Variants in CADPS observed in about 807,000 individuals in gnomAD.
The protein encoded by CADPS is calcium dependent secretion activator.
CADPS carries 57 observed loss-of-function variants against 167.3 expected under a neutral mutation model. The observed-to-expected ratio is 0.34, with a 90% CI of 0.28 to 0.42. CADPS has a LOEUF of 0.42. Among genes scored for constraint, CADPS ranks in the 20% least tolerant of loss-of-function variants. CADPS has a pLI of 1.00. For synonymous variants in CADPS, 676 were observed against 635.3 expected (o/e 1.06, Z -0.96); for missense variants, 1,414 against 1,738.1 (o/e 0.81, Z 3.32).
At chr3:62,687,412 A>G (rs956428968) in intron 3 of CADPS, among the ~76,000 whole-genome samples, 6 of 152,104 alleles carry the variant, frequency 3.9e-5, no homozygotes, top group African/African-American at 1.2e-4. Context: ...AATAATTTCT[A>G]TCAACAGCCA....
chr3:62,654,793 G>C (rs528283546), intron 4 of CADPS, among the ~76,000 whole-genome samples: 1 of 152,254 alleles, frequency 6.6e-6, no homozygotes, highest in African/African-American at 2.4e-5. Context: ...GGTAAGTGGG[G>C]AATTTCTGAT....
chr3:62,820,929 T>C (rs893302040), intron 1 of CADPS, among the ~76,000 whole-genome samples: 2 of 151,930 alleles, frequency 1.3e-5, no homozygotes, highest in Admixed American at 6.6e-5. Context: ...GCCTCCTGAG[T>C]AGCTGGGACT....
intron 3 of CADPS, among the ~76,000 whole-genome samples, chr3:62,691,574 G>C (rs1186187114): frequency 6.6e-6 from 1 of 152,028 alleles, no homozygotes; most frequent in Non-Finnish European, 1.5e-5. Flanking sequence ...AGTTAAAATA[G>C]TGAATAAAGA....
At chr3:62,864,272 T>A (rs999583628) in intron 1 of CADPS, among the ~76,000 whole-genome samples, 1 of 152,210 alleles carries the variant, frequency 6.6e-6, no homozygotes, top group Non-Finnish European at 1.5e-5. Flanking sequence ...AAGAGGCCTA[T>A]GCTGGAGACA....
At position 62,874,636 on chromosome 3, in the gene CADPS, G is replaced by T. The variant is rs763206239; in HGVS notation, c.394C>A (p.Pro132Thr). 6.4e-7 allele frequency: 1 copy of T among 1,560,544 alleles called. No homozygotes were observed. The highest frequency in any genetic ancestry group is 1.2e-5 in the South Asian group (1 of 84,676). The change falls in exon 1 of 30, where the codon CCC becomes ACC. Residue 132 changes from proline (P) to threonine (T), a missense_variant. By Grantham distance (38) the Pro-to-Thr change is conservative (BLOSUM62 -1). Around this residue, in one of 6 missense-constraint regions of CADPS, gnomAD observed 522 missense variants for 559.5 expected, o/e 0.93. Transcript: ENST00000383710. This position sits in a 1 kb window ranked among gnomAD's most constrained non-coding sequence, Gnocchi z 7.1. ...YVFVMRCIAY[P>T]FNAKQPTDMA... is the part of the protein sequence containing the mutation. The stretch of plus-strand genomic sequence containing the variant: ...TCGGTGGGCTGCTTGGCATTAAAGG[G>T]GTAGGCGATGCAGCGCATCACGAAC...
chr3:62,841,542 C>G lies in CADPS; in HGVS notation c.441+33047G>C, dbSNP rs1196906723. ...ACCAGTCTAGGCAACATGGCAAAAC[C>G]TTGTCTCTACAAAAAAATACAAAAA... is the stretch of plus-strand genomic sequence containing the variant. On this transcript the variant is annotated intron_variant, in intron 1 of 29. Coordinates refer to ENST00000383710, the MANE Select transcript of CADPS (RefSeq NM_003716.4). Among the ~76,000 whole-genome samples the G allele has an allele frequency of 3.3e-5, 5 of 152,096 alleles. No individual in the cohort carries two copies. In the East Asian group the frequency reaches 7.7e-4, roughly 23 times the overall value.
chr3:62,850,791 C>G (rs1329938467), intron 1 of CADPS, among the ~76,000 whole-genome samples: 1 of 150,702 alleles, frequency 6.6e-6, no homozygotes, highest in Admixed American at 6.6e-5. Context: ...CTATTAGGTC[C>G]TCTTGGTGCA....
intron 1 of CADPS, among the ~76,000 whole-genome samples, chr3:62,845,070 GACACAGGATGCTATC>G (rs2077194159): frequency 6.6e-6 from 1 of 152,140 alleles, no homozygotes; most frequent in Non-Finnish European, 1.5e-5. Flanking sequence ...AGCTCCACTG[GACACAGGATGCTATC>G]ACTGTGGGTA....
intron 2 of CADPS, among the ~76,000 whole-genome samples, chr3:62,757,792 G>A (rs2152449974): frequency 6.6e-6 from 1 of 152,284 alleles, no homozygotes; most frequent in Non-Finnish European, 1.5e-5. Context: ...CACATGGCTG[G>A]GGAGGCCTCA....
chr3:62,578,261 A>G lies in CADPS; in HGVS notation c.1577+6924T>C, dbSNP rs532603913. Among the ~76,000 whole-genome samples, 377 of 151,588 alleles carry G rather than the reference A, an allele frequency of 2.5e-3. 2 individuals carry two copies. The highest frequency in any genetic ancestry group is 8.2e-3 in the African/African-American group (339 of 41,334). On this transcript the variant is annotated intron_variant, in intron 8 of 29. Coordinates refer to ENST00000383710, the MANE Select transcript of CADPS (RefSeq NM_003716.4). ...CACACAAAGTAAATTGCAGGTGAAG[A>G]ATACTGCTGGGGATCAAGAAGATTA...
intron 28 of CADPS, among the ~76,000 whole-genome samples, chr3:62,428,648 A>G (rs2053275855): frequency 6.6e-6 from 1 of 152,150 alleles, no homozygotes; most frequent in African/African-American, 2.4e-5. Context: ...TTGTTGCTAC[A>G]TCATACTCAT....
rs1441362236 is a variant in CADPS at position 62,874,751 on chromosome 3, G to A, written c.279C>T (p.Ser93=). Residue 93 remains serine, a synonymous_variant, in exon 1 of 30, where the codon AGC becomes AGT. Coordinates refer to ENST00000383710, the MANE Select transcript of CADPS (RefSeq NM_003716.4). The surrounding 1 kb of genome is among the most constrained non-coding windows in gnomAD (Gnocchi z 7.1). ...RAGGGRPSSP[S]PSVVSEKEKE... ...TCTCCTTCTCGCTCACCACCGACGGGCTGGGGCTGGAGGGCCGGCCGCCGC... is the reference window on the plus strand; with the variant it reads ...TCTCCTTCTCGCTCACCACCGACGGACTGGGGCTGGAGGGCCGGCCGCCGC... 12 of 1,499,924 alleles carry A rather than the reference G, an allele frequency of 8.0e-6. No individual in the cohort carries two copies. Among genetic ancestry groups the A allele is most frequent in the Non-Finnish European group, 7.2e-6 (8 of 1,104,350 alleles). The allele number at this position is 1,499,924 out of a possible 1,614,324, so 92.9% of individuals were successfully genotyped here.
chr3:62,442,991 T>C (rs991904171), intron 27 of CADPS, among the ~76,000 whole-genome samples: 1 of 152,234 alleles, frequency 6.6e-6, no homozygotes, highest in African/African-American at 2.4e-5. Flanking sequence ...TACTATAATA[T>C]TATTAGCTAT....
chr3:62,748,129 C>T (rs1438551247), intron 3 of CADPS, among the ~76,000 whole-genome samples: 2 of 146,060 alleles, frequency 1.4e-5, no homozygotes, highest in African/African-American at 5.1e-5. Context: ...GACCATCCAT[C>T]CTGGCTAACT....
intron 28 of CADPS, among the ~76,000 whole-genome samples, chr3:62,430,377 C>T (rs892601492): frequency 6.6e-6 from 1 of 152,108 alleles, no homozygotes; most frequent in South Asian, 2.1e-4. Context: ...AGAAAAGCAC[C>T]AAAACACTCG....
chr3:62,763,601 A>C (rs2086104588), intron 2 of CADPS, among the ~76,000 whole-genome samples: 1 of 152,194 alleles, frequency 6.6e-6, no homozygotes, highest in African/African-American at 2.4e-5. Flanking sequence ...AGAGTTGGGT[A>C]CAGGAAGAGA....
intron 1 of CADPS, among the ~76,000 whole-genome samples, chr3:62,862,196 T>C (rs957862565): frequency 6.6e-6 from 1 of 151,840 alleles, no homozygotes; most frequent in East Asian, 1.9e-4. Flanking sequence ...CATAAAAATA[T>C]TGATAGCATT....
intron 3 of CADPS, among the ~76,000 whole-genome samples, chr3:62,676,645 T>G (rs1380353767): frequency 6.6e-6 from 1 of 152,136 alleles, no homozygotes; most frequent in East Asian, 1.9e-4. Context: ...TTTCACCTCC[T>G]TTTAAGTCCT....
At chr3:62,599,044 C>A (rs996193166) in intron 6 of CADPS, among the ~76,000 whole-genome samples, 1 of 152,148 alleles carries the variant, frequency 6.6e-6, no homozygotes, top group Non-Finnish European at 1.5e-5. Flanking sequence ...GTTCTCTGCT[C>A]ATTTCTTTGC....
Sources: gnomAD v4.1 joint callset for allele counts (sites outside exome capture counted in the v4.1 genomes callset) on GRCh38, gnomAD v4.1.1 for gene constraint, gnomAD v4.1.1 regional missense constraint, Gnocchi (gnomAD v3.1) non-coding constraint, MANE v1.5 for transcripts, NCBI Gene and HGNC (gene_info 2026-07-23, HGNC 2026-07-21) for gene names.